RNF125: variants seen among roughly 807,000 people sequenced by gnomAD.
RNF125 encodes the protein E3 ubiquitin-protein ligase RNF125.
In RNF125, 21 loss-of-function variants were observed where a neutral mutation model predicts 26.0. The observed-to-expected ratio is 0.81, with a 90% CI of 0.57 to 1.16. The LOEUF (loss-of-function observed/expected upper bound fraction) is 1.16, where lower values mean the gene tolerates loss of function less well. Among genes scored for constraint, RNF125 ranks in the 50% most tolerant of loss-of-function variants. The pLI, the probability that RNF125 is intolerant of heterozygous loss-of-function variation, is 0.00. For missense variants in RNF125, 270 were observed against 299.4 expected, an observed-to-expected ratio of 0.90 and a Z score of 0.72; for synonymous variants, 95 against 109.2, an observed-to-expected ratio of 0.87 and a Z score of 0.81.
chr18:32,082,504 A>C, the RNF125 span, among the ~76,000 whole-genome samples: 1 of 152,192 alleles, frequency 6.6e-6, no homozygotes, highest in Non-Finnish European at 1.5e-5. Context: ...ATTTTAGGGA[A>C]TAGAGAAGAC....
At chr18:32,089,739 A>G in the RNF125 span, among the ~76,000 whole-genome samples, 1 of 152,184 alleles carries the variant, frequency 6.6e-6, no homozygotes, top group Non-Finnish European at 1.5e-5. Context: ...CGAATGACTT[A>G]TTAGAATATA....
intron 4 of RNF125, among the ~76,000 whole-genome samples, chr18:32,053,797 ACT>A (rs1278966125): frequency 6.6e-6 from 1 of 152,046 alleles, no homozygotes; most frequent in Non-Finnish European, 1.5e-5. Flanking sequence ...TGGAAAGCCA[ACT>A]ACCCTGTTGG....
intron 4 of RNF125, among the ~76,000 whole-genome samples, chr18:32,063,796 C>A (rs1471967353): frequency 2.6e-5 from 4 of 151,932 alleles, no homozygotes; most frequent in African/African-American, 9.7e-5. Context: ...AAGTCATGCT[C>A]AATGGGAAAA....
the RNF125 span, among the ~76,000 whole-genome samples, chr18:32,083,871 AC>A: frequency 6.6e-6 from 1 of 151,688 alleles, no homozygotes; most frequent in Non-Finnish European, 1.5e-5. Context: ...CCACTGTACT[AC>A]AGCCCGGGCA....
intron 4 of RNF125, among the ~76,000 whole-genome samples, chr18:32,058,920 C>A (rs2039411123): frequency 6.6e-6 from 1 of 152,156 alleles, no homozygotes; most frequent in South Asian, 2.1e-4. Flanking sequence ...AACATAATGT[C>A]CTCCAGTTCC....
intron 4 of RNF125, among the ~76,000 whole-genome samples, chr18:32,054,903 ATAT>A (rs1410207261): frequency 6.6e-6 from 1 of 152,198 alleles, no homozygotes; most frequent in Non-Finnish European, 1.5e-5. Context: ...AATAAAATAT[ATAT>A]TATCTAATCT....
At chr18:32,080,584 T>C in the RNF125 span, among the ~76,000 whole-genome samples, 3 of 152,300 alleles carry the variant, frequency 2.0e-5, no homozygotes, top group East Asian at 1.9e-4. Context: ...TAGTTGAAAG[T>C]AGAAAAGGGG....
At chr18:32,074,785 C>T (rs774115052), downstream of RNF125, among the ~76,000 whole-genome samples, 26 of 152,148 alleles carry the variant, frequency 1.7e-4, no homozygotes, top group Non-Finnish European at 3.1e-4. Context: ...TCAGATGATC[C>T]GCCTGCCTTG....
the RNF125 span, among the ~76,000 whole-genome samples, chr18:32,086,007 G>A: frequency 6.6e-6 from 1 of 152,172 alleles, no homozygotes; most frequent in Admixed American, 6.5e-5. Flanking sequence ...TAACAGATAG[G>A]AGGGAGGGCA....
chr18:32,052,725 T>C (rs1221581395), intron 4 of RNF125, among the ~76,000 whole-genome samples: 1 of 152,112 alleles, frequency 6.6e-6, no homozygotes, highest in Non-Finnish European at 1.5e-5. Flanking sequence ...TCCATTATCA[T>C]AGATATTCTG....
chr18:32,021,258 A>T (rs534441946), intron 1 of RNF125, among the ~76,000 whole-genome samples: 4 of 151,994 alleles, frequency 2.6e-5, no homozygotes, highest in South Asian at 2.1e-4. Context: ...TTTTTTGTAT[A>T]TTTAGTAGAG....
chr18:32,028,423 G>A (rs1208887536), intron 1 of RNF125, among the ~76,000 whole-genome samples: 2 of 150,622 alleles, frequency 1.3e-5, no homozygotes, highest in Non-Finnish European at 2.9e-5. Context: ...ACCTCAGAAA[G>A]CCTGCCTATT....
At chr18:32,048,900 A>G (rs454768) in intron 4 of RNF125, among the ~76,000 whole-genome samples, 61,494 of 151,994 alleles carry the variant, frequency 0.4, 12,420 homozygotes, top group South Asian at 0.44. Flanking sequence ...GATAGTGACT[A>G]CTATCACTGA....
At chr18:32,039,808 C>T (rs563341648) in intron 2 of RNF125, among the ~76,000 whole-genome samples, 13 of 133,794 alleles carry the variant, frequency 9.7e-5, no homozygotes, top group African/African-American at 3.8e-4. Flanking sequence ...GATGGAGTCT[C>T]ACTCTGTTGC....
rs193227345 is a variant in RNF125 at position 32,066,629 on chromosome 18, C to T, written c.612+620C>T. On this transcript the variant is annotated intron_variant, in intron 5 of 5. Transcript: ENST00000217740. Reference sequence around the variant, plus strand: ...AAGCAATAGCTCTGTCATATATGTGCGACCTTGCAGAAGGTATTTAACCTC... The same window carrying T: ...AAGCAATAGCTCTGTCATATATGTGTGACCTTGCAGAAGGTATTTAACCTC... 8.7e-4 allele frequency among the ~76,000 whole-genome samples: 133 copies of T among 152,304 alleles called. 4 individuals carry two copies. The highest frequency in any genetic ancestry group is 7.7e-4 in the East Asian group (4 of 5,190).
intron 1 of RNF125, among the ~76,000 whole-genome samples, chr18:32,023,897 A>T (rs755600752): frequency 3.9e-5 from 6 of 152,212 alleles, no homozygotes; most frequent in Non-Finnish European, 8.8e-5. Flanking sequence ...TCTCTACTAC[A>T]CAAAAGTCTT....
chr18:32,083,816 T>G, the RNF125 span, among the ~76,000 whole-genome samples: 3 of 151,562 alleles, frequency 2.0e-5, no homozygotes, highest in Admixed American at 1.3e-4. Flanking sequence ...GGCAGGAGGA[T>G]TGACTGAGCC....
At chr18:32,065,625 C>T (rs975511747) in intron 4 of RNF125, among the ~76,000 whole-genome samples, 1 of 152,044 alleles carries the variant, frequency 6.6e-6, no homozygotes, top group African/African-American at 2.4e-5. Flanking sequence ...CCTCTGCCTC[C>T]GGGTTCAAGC....
rs187541874 is a variant in RNF125, at chr18:32,054,329, G to A, written c.504+8597G>A. Among the ~76,000 whole-genome samples, 289 of 152,184 alleles carry A rather than the reference G, an allele frequency of 1.9e-3. 2 individuals are homozygous for A. Among genetic ancestry groups the A allele is most frequent in the African/African-American group, 6.7e-3 (279 of 41,532 alleles). On this transcript the variant is annotated intron_variant, in intron 4 of 5. Transcript: ENST00000217740. ...GTTGGTCTTGAACTCCTGACCTCAG[G>A]TGTTCCTCCCGCTGTGGCCTCCCAA...
Sources: gnomAD v4.1 joint callset for allele counts (sites outside exome capture counted in the v4.1 genomes callset) on GRCh38, gnomAD v4.1.1 for gene constraint, MANE v1.5 for transcripts, NCBI Gene and HGNC (gene_info 2026-07-23, HGNC 2026-07-21) for gene names.